The following ZNF682 variants were observed in gnomAD, a reference collection of about 807,000 sequenced individuals.
The protein encoded by ZNF682 is zinc finger protein 682.
Under a neutral mutation model 36.5 loss-of-function variants are expected in ZNF682, and 29 were observed. The ratio of observed to expected loss-of-function variants is 0.80; its 90% CI spans 0.59 to 1.08. The LOEUF is 1.08. Among genes scored for constraint, ZNF682 ranks in the 50% least tolerant of loss-of-function variants. The probability of loss-of-function intolerance (pLI) is 0.00; values close to 1 mark genes in which losing one functional copy is unlikely to be tolerated. For missense variants in ZNF682, 561 were observed against 579.7 expected (o/e 0.97, Z 0.33); for synonymous variants, 180 against 197.0 (o/e 0.91, Z 0.72).
At chr19:20,014,227 C>G (rs893741693) in intron 3 of ZNF682, among the ~76,000 whole-genome samples, 1 of 152,122 alleles carries the variant, frequency 6.6e-6, no homozygotes, top group Non-Finnish European at 1.5e-5. Context: ...TTTCAAAACA[C>G]ATGACAAAAC....
At position 20,005,962 on chromosome 19, in the gene ZNF682, C is replaced by T. The variant is rs781027299; in HGVS notation, c.*43G>A. 6 of 1,521,882 alleles carry T rather than the reference C, an allele frequency of 3.9e-6. No homozygotes were observed. In the East Asian group the frequency reaches 9.1e-5, roughly 23 times the overall value. 94.3% of individuals were successfully genotyped at this position (1,521,882 alleles called of 1,614,324 possible). ...CCTTGAGCAAGATTTATGGAATTTG[C>T]CACATTCTTTACATTTGTAGGATTT... On this transcript the variant is annotated 3_prime_UTR_variant, in exon 4 of 4. Transcript: ENST00000397165.
At chr19:20,010,093 T>C (rs924081168) in intron 3 of ZNF682, among the ~76,000 whole-genome samples, 1 of 150,944 alleles carries the variant, frequency 6.6e-6, no homozygotes, top group Non-Finnish European at 1.5e-5. Context: ...GCAAACTAAG[T>C]TTCATAAGCA....
chr19:20,006,399 G>A lies in ZNF682; in HGVS notation c.1103C>T (p.Pro368Leu). 6.2e-7 allele frequency: 1 copy of A among 1,613,118 alleles called. No individual in the cohort carries two copies. Among genetic ancestry groups the A allele is most frequent in the East Asian group, 2.2e-5 (1 of 44,832 alleles). Residue 368 changes from proline to leucine, a missense_variant, in exon 4 of 4, where the codon CCC becomes CTC. Physicochemically the swap from Pro to Leu is moderately conservative, Grantham distance 98. Transcript: ENST00000397165. Reference protein sequence around the residue: ...EHKVIHSGEKPYKCEKCDKVF... With the variant: ...EHKVIHSGEKLYKCEKCDKVF... ...TTTGTCACATTTTTCACATTTGTAG[G>A]GTTTCTCTCCGCTATGAATTACCTT...
At chr19:19,999,714 T>C (rs2088152437), downstream of ZNF682, among the ~76,000 whole-genome samples, 1 of 152,118 alleles carries the variant, frequency 6.6e-6, no homozygotes, top group Non-Finnish European at 1.5e-5. Context: ...TTTGTATTCT[T>C]AGTAGAGATG....
At chr19:20,025,569 C>T (rs8106159) in intron 1 of ZNF682, among the ~76,000 whole-genome samples, 113,272 of 151,584 alleles carry the variant, frequency 0.75, 42,779 homozygotes, top group Middle Eastern at 0.84. Context: ...CCCAGCTACT[C>T]GGGAGGCAGA....
At chr19:20,029,600 CA>C (rs59197434) in intron 1 of ZNF682, among the ~76,000 whole-genome samples, 6,216 of 119,620 alleles carry the variant, frequency 0.052, 414 homozygotes, top group African/African-American at 0.18. Context: ...GACCCTGTCT[CA>C]AAAAAAAAAA....
intron 1 of ZNF682, among the ~76,000 whole-genome samples, chr19:20,034,774 C>CA (rs34063491): frequency 0.014 from 1,823 of 134,176 alleles, 15 homozygotes; most frequent in South Asian, 0.032. Context: ...AACTCCATCT[C>CA]AAAAAAAAAA....
At chr19:20,031,331 C>T (rs1198163412) in intron 1 of ZNF682, among the ~76,000 whole-genome samples, 1 of 152,188 alleles carries the variant, frequency 6.6e-6, no homozygotes, top group Non-Finnish European at 1.5e-5. Context: ...ATTCTGCCAT[C>T]AGATTCTATT....
At chr19:20,035,110 A>G (rs2088516929) in intron 1 of ZNF682, among the ~76,000 whole-genome samples, 1 of 152,240 alleles carries the variant, frequency 6.6e-6, no homozygotes, top group East Asian at 1.9e-4. Context: ...ATACATATAT[A>G]CATATAGACA....
At chr19:19,999,074 C>T in intron 3 of ZNF682, among the ~76,000 whole-genome samples, 1 of 152,102 alleles carries the variant, frequency 6.6e-6, no homozygotes, top group East Asian at 1.9e-4. Context: ...CTCTCTCCCT[C>T]CTTCTGCCAG....
downstream of ZNF682, among the ~76,000 whole-genome samples, chr19:19,996,736 G>A (rs971493933): frequency 6.6e-6 from 1 of 152,148 alleles, no homozygotes; most frequent in African/African-American, 2.4e-5. Flanking sequence ...CTGCTCAGAT[G>A]ATGGGTGCGT....
chr19:20,032,571 C>T (rs1459723884), intron 1 of ZNF682, among the ~76,000 whole-genome samples: 1 of 152,096 alleles, frequency 6.6e-6, no homozygotes, highest in African/African-American at 2.4e-5. Flanking sequence ...CTGATGGGTA[C>T]CTTACATGTT....
intron 1 of ZNF682, among the ~76,000 whole-genome samples, chr19:20,028,240 C>T (rs1401102179): frequency 1.0e-5 from 1 of 99,414 alleles, no homozygotes; most frequent in Non-Finnish European, 2.2e-5. Context: ...CAGAGTCTTA[C>T]TCTGTCGCCC....
At chr19:20,012,918 C>G (rs1043746063) in intron 3 of ZNF682, among the ~76,000 whole-genome samples, 1 of 151,650 alleles carries the variant, frequency 6.6e-6, no homozygotes, top group Non-Finnish European at 1.5e-5. Flanking sequence ...AAAAGAAGGA[C>G]AAACAGCAAC....
At position 20,024,328 on chromosome 19, in the gene ZNF682, ACTC is replaced by A. The variant is rs1360569816; in HGVS notation, c.49_51del (p.Glu17del). On this transcript the variant is annotated inframe_deletion, in exon 2 of 4. Coordinates refer to ENST00000397165, the MANE Select transcript of ZNF682 (RefSeq NM_033196.3). ...TGCTGAGCAGGGTTCAGAAACTCCC[ACTC>A]CTCCAGAGAGAATTCTATGGTCACA... is the stretch of plus-strand genomic sequence containing the variant. The A allele has an allele frequency of 6.2e-7, 1 of 1,613,508 alleles. No homozygotes were observed. The highest frequency in any genetic ancestry group is 8.5e-7 in the Non-Finnish European group (1 of 1,179,822).
At chr19:20,034,978 C>T (rs2088515295) in intron 1 of ZNF682, among the ~76,000 whole-genome samples, 1 of 126,432 alleles carries the variant, frequency 7.9e-6, no homozygotes, top group Non-Finnish European at 1.7e-5. Context: ...TGCCTGTAAT[C>T]CCAGCTACTC....
In ZNF682 at chr19:20,022,539, C is replaced by T. The variant is rs549657465; in HGVS notation, c.226+465G>A. Among the ~76,000 whole-genome samples the T allele has an allele frequency of 9.9e-5, 15 of 151,564 alleles. No individual in the cohort carries two copies. In the South Asian group the frequency reaches 2.3e-3, roughly 23 times the overall value. On this transcript the variant is annotated intron_variant, in intron 3 of 3. Coordinates refer to ENST00000397165, the MANE Select transcript of ZNF682 (RefSeq NM_033196.3). ...AAAATTAGCTGGGCGTGGTGGCATA[C>T]GTAATCCCAGCTACTCGGGAGGCTG...
chr19:20,038,074 G>A (rs2088549543), intron 1 of ZNF682, among the ~76,000 whole-genome samples: 1 of 152,186 alleles, frequency 6.6e-6, no homozygotes. Context: ...TCAAAACCAG[G>A]AAAATAACAC....
At chr19:20,017,113 T>A (rs2088340829) in intron 3 of ZNF682, among the ~76,000 whole-genome samples, 2 of 151,888 alleles carry the variant, frequency 1.3e-5, no homozygotes, top group South Asian at 4.2e-4. Context: ...ACTACAAAAT[T>A]AACAAAACAA....
Sources: allele counts gnomAD v4.1 joint callset (sites outside exome capture counted in the v4.1 genomes callset), GRCh38; gene constraint gnomAD v4.1.1; transcripts MANE v1.5; gene names NCBI Gene and HGNC (gene_info 2026-07-23, HGNC 2026-07-21).